CCDC146: variants seen among roughly 807,000 people sequenced by gnomAD.
CCDC146 encodes coiled-coil domain-containing protein 146.
Under a neutral mutation model 119.3 loss-of-function variants are expected in CCDC146, and 92 were observed. That is an observed-to-expected ratio of 0.77 (90% confidence interval 0.65 to 0.92). The LOEUF (loss-of-function observed/expected upper bound fraction) is 0.92. CCDC146 is among the 40% of genes least tolerant of loss of function. CCDC146 has a pLI of 0.00. For missense variants in CCDC146, 1,000 were observed against 1,103.0 expected, an observed-to-expected ratio of 0.91 and a Z score of 1.32; for synonymous variants, 372 against 371.8, an observed-to-expected ratio of 1.00 and a Z score of -0.01.
chr7:77,160,824 G>T (rs1791249497), intron 1 of CCDC146, among the ~76,000 whole-genome samples: 1 of 152,078 alleles, frequency 6.6e-6, no homozygotes, highest in South Asian at 2.1e-4. Context: ...CACAGCAAAA[G>T]AAACTACCAT....
intron 2 of CCDC146, among the ~76,000 whole-genome samples, chr7:77,205,822 G>C (rs767601724): frequency 5.3e-5 from 8 of 152,052 alleles, no homozygotes; most frequent in Admixed American, 3.3e-4. Flanking sequence ...ATGCTCAGGG[G>C]CCATTTTATT....
Position 77,196,771 on chromosome 7 carries a change from T to C in CCDC146, c.156+28947T>C. 1 of 1,614,210 alleles carries C rather than the reference T, an allele frequency of 6.2e-7. No homozygotes were observed. Among genetic ancestry groups the C allele is most frequent in the Non-Finnish European group, 8.5e-7 (1 of 1,180,030 alleles). On this transcript the variant is annotated intron_variant, in intron 2 of 18. Transcript: ENST00000285871. The surrounding 1 kb of genome is among the most constrained non-coding windows in gnomAD (Gnocchi z 4.2). ...CCAGCCAAAATTCCCTTCTGAGGTTTCCAAAGCCTGCTTTGTAGTCTTGCC... is the reference window on the plus strand; with the variant it reads ...CCAGCCAAAATTCCCTTCTGAGGTTCCCAAAGCCTGCTTTGTAGTCTTGCC...
In CCDC146 at chr7:77,279,851, G is replaced by A. The variant is rs917575041; in HGVS notation, c.1695-578G>A. Among the ~76,000 whole-genome samples, 9 of 152,284 alleles carry A rather than the reference G, an allele frequency of 5.9e-5. No homozygotes were observed. In the East Asian group the frequency reaches 1.3e-3, roughly 23 times the overall value. ...ACTCTTTCACCTATGTTAGTAAACAGTACACGATCAGGGTATAATCTAATT... is the reference window on the plus strand; with the variant it reads ...ACTCTTTCACCTATGTTAGTAAACAATACACGATCAGGGTATAATCTAATT... On this transcript the variant is annotated intron_variant, in intron 13 of 18. Coordinates refer to ENST00000285871, the MANE Select transcript of CCDC146 (RefSeq NM_020879.3).
At chr7:77,153,845 A>G (rs2117450655) in intron 1 of CCDC146, among the ~76,000 whole-genome samples, 1 of 152,092 alleles carries the variant, frequency 6.6e-6, no homozygotes, top group Non-Finnish European at 1.5e-5. Flanking sequence ...TTACACAAAA[A>G]TGTGTATGAG....
intron 2 of CCDC146, among the ~76,000 whole-genome samples, chr7:77,192,329 C>A (rs943386536): frequency 3.3e-5 from 5 of 152,128 alleles, no homozygotes; most frequent in African/African-American, 7.2e-5. Context: ...ATTGAAGGAA[C>A]CAAAGAACAT....
chr7:77,269,382 T>A (rs1001226254), intron 9 of CCDC146, among the ~76,000 whole-genome samples: 5 of 152,144 alleles, frequency 3.3e-5, no homozygotes, highest in Non-Finnish European at 5.9e-5. Context: ...TTTCTCCGTG[T>A]TTTTTCTGTA....
At chr7:77,182,756 T>C (rs1374388412) in intron 2 of CCDC146, among the ~76,000 whole-genome samples, 6 of 152,156 alleles carry the variant, frequency 3.9e-5, no homozygotes, top group Non-Finnish European at 8.8e-5. Context: ...ATCAGACCTC[T>C]GTACTCTAGC....
At chr7:77,283,204 G>C (rs1280232990) in intron 15 of CCDC146, among the ~76,000 whole-genome samples, 1 of 152,104 alleles carries the variant, frequency 6.6e-6, no homozygotes, top group Non-Finnish European at 1.5e-5. Flanking sequence ...TCTGGAGATT[G>C]TTGCTTATTA....
intron 2 of CCDC146, among the ~76,000 whole-genome samples, chr7:77,221,909 T>C (rs1026891595): frequency 6.6e-6 from 1 of 151,942 alleles, no homozygotes; most frequent in African/African-American, 2.4e-5. Flanking sequence ...CATACCTGAG[T>C]TCTGAGGTTT....
At chr7:77,224,301 C>A (rs561319342) in intron 2 of CCDC146, among the ~76,000 whole-genome samples, 1 of 152,190 alleles carries the variant, frequency 6.6e-6, no homozygotes, top group Non-Finnish European at 1.5e-5. Flanking sequence ...AAGCCACCTA[C>A]GTTCCTTGAC....
intron 4 of CCDC146, among the ~76,000 whole-genome samples, chr7:77,244,053 T>C (rs1792899676): frequency 6.6e-6 from 1 of 152,172 alleles, no homozygotes; most frequent in Admixed American, 6.5e-5. Context: ...AATTTTTGTA[T>C]TTTTAGTAGA....
chr7:77,143,217 T>A (rs976491780), intron 1 of CCDC146, among the ~76,000 whole-genome samples: 1 of 151,902 alleles, frequency 6.6e-6, no homozygotes, highest in Non-Finnish European at 1.5e-5. Flanking sequence ...TGTCTTCTTT[T>A]GAGAAGTGTC....
At chr7:77,287,799 T>G (rs554982064) in intron 17 of CCDC146, among the ~76,000 whole-genome samples, 1 of 152,340 alleles carries the variant, frequency 6.6e-6, no homozygotes, top group South Asian at 2.1e-4. Flanking sequence ...GGCTTTTAAA[T>G]GACACTATAC....
At chr7:77,170,315 C>T (rs1003922184) in intron 2 of CCDC146, among the ~76,000 whole-genome samples, 2 of 151,644 alleles carry the variant, frequency 1.3e-5, no homozygotes, top group Non-Finnish European at 2.9e-5. Flanking sequence ...TTTCATCCTC[C>T]TATATGGTTG....
chr7:77,144,799 G>T (rs558803290), intron 1 of CCDC146, among the ~76,000 whole-genome samples: 90 of 151,770 alleles, frequency 5.9e-4, no homozygotes, highest in Middle Eastern at 3.4e-3. Context: ...CTTTTTGATG[G>T]GCTGCTGGAT....
chr7:77,229,202 C>T (rs1303423189), intron 2 of CCDC146, among the ~76,000 whole-genome samples: 1 of 152,118 alleles, frequency 6.6e-6, no homozygotes, highest in African/African-American at 2.4e-5. Context: ...ATTTACATTC[C>T]TTATAGATGC....
intron 1 of CCDC146, among the ~76,000 whole-genome samples, chr7:77,148,494 G>A (rs1268640766): frequency 6.6e-6 from 1 of 152,004 alleles, no homozygotes; most frequent in Admixed American, 6.6e-5. Context: ...CCCGTCTTCT[G>A]CGTCGCTCAT....
At chr7:77,287,261 A>G (rs1793864616) in intron 16 of CCDC146, 179 bp from the exon 17 acceptor site, 2 of 628,952 alleles carry the variant, frequency 3.2e-6, no homozygotes, top group Non-Finnish European at 2.8e-6. Context: ...TGAGGGGGCC[A>G]TACTCGAACT....
At chr7:77,142,230 GAGAA>G (rs1790943764) in intron 1 of CCDC146, among the ~76,000 whole-genome samples, 1 of 152,092 alleles carries the variant, frequency 6.6e-6, no homozygotes, top group Non-Finnish European at 1.5e-5. Flanking sequence ...AATCAGGCAA[GAGAA>G]AGAAAGAAAG....
Sources: allele counts gnomAD v4.1 joint callset (sites outside exome capture counted in the v4.1 genomes callset), GRCh38; gene constraint gnomAD v4.1.1; non-coding constraint Gnocchi (gnomAD v3.1); transcripts MANE v1.5; gene names NCBI Gene and HGNC (gene_info 2026-07-23, HGNC 2026-07-21).